The following PRKN variants were observed in gnomAD, a reference collection of about 807,000 sequenced individuals.
PRKN encodes the protein parkin RBR E3 ubiquitin protein ligase, also known as E3 ubiquitin-protein ligase parkin.
A neutral mutation model predicts 59.5 loss-of-function variants in PRKN; 56 were observed. The observed-to-expected ratio is 0.94, with a 90% CI of 0.76 to 1.18. PRKN has a LOEUF of 1.18. PRKN is among the 50% of genes most tolerant of loss of function. The pLI is 0.00. For missense variants in PRKN, 657 were observed against 596.4 expected (o/e 1.10, Z -1.06); for synonymous variants, 250 against 222.1 (o/e 1.13, Z -1.12).
At chr6:162,531,443 G>A (rs1778510842) in intron 1 of PRKN, among the ~76,000 whole-genome samples, 1 of 152,138 alleles carries the variant, frequency 6.6e-6, no homozygotes. Context: ...AGCATTCAGG[G>A]AGCAGAGTGT....
At chr6:162,727,478 T>C (rs1382526669) in intron 1 of PRKN, among the ~76,000 whole-genome samples, 184 bp downstream of exon 1, 2 of 147,916 alleles carry the variant, frequency 1.4e-5, no homozygotes, top group African/African-American at 4.9e-5. Flanking sequence ...ACGCACACAC[T>C]GGGGCCCCGG....
intron 4 of PRKN, among the ~76,000 whole-genome samples, chr6:162,170,953 ACTAT>A (rs1490521962): frequency 2.6e-5 from 4 of 152,212 alleles, no homozygotes; most frequent in Admixed American, 6.5e-5. Context: ...TATGAAAATA[ACTAT>A]CCATTCATTC....
chr6:161,845,954 T>C (rs1793181629), intron 6 of PRKN, among the ~76,000 whole-genome samples: 1 of 152,194 alleles, frequency 6.6e-6, no homozygotes, highest in Admixed American at 6.5e-5. Flanking sequence ...TTTAGGTTAT[T>C]AATATCAATT....
At position 162,506,246 on chromosome 6, in the gene PRKN, G is replaced by A. The variant is rs2155495; in HGVS notation, c.8-62773C>T. Among the ~76,000 whole-genome samples, 712 of 72,708 alleles carry A rather than the reference G, an allele frequency of 9.8e-3. 6 individuals are homozygous for A. The highest frequency in any genetic ancestry group is 0.042 in the African/African-American group (682 of 16,306). 47.7% of individuals were successfully genotyped at this position (72,708 alleles called of 152,430 possible). On this transcript the variant is annotated intron_variant, in intron 1 of 11. Coordinates refer to ENST00000366898, the MANE Select transcript of PRKN (RefSeq NM_004562.3). ...AACAGAACCCTTGGGAAAATAAAGAGGAAGCAAAAAAAAAAAAAAAAAAAA... is the reference window on the plus strand; with the variant it reads ...AACAGAACCCTTGGGAAAATAAAGAAGAAGCAAAAAAAAAAAAAAAAAAAA...
At chr6:162,529,447 A>T (rs2846474) in intron 1 of PRKN, among the ~76,000 whole-genome samples, 53,565 of 152,042 alleles carry the variant, frequency 0.35, 11,220 homozygotes, top group Middle Eastern at 0.51. Context: ...TATACTATGA[A>T]AGTTCTTAAT....
chr6:162,392,330 T>C (rs180845899), intron 2 of PRKN, among the ~76,000 whole-genome samples: 1 of 152,150 alleles, frequency 6.6e-6, no homozygotes, highest in Non-Finnish European at 1.5e-5. Context: ...GGCCAGAAGT[T>C]TTTGGTTCTT....
At chr6:161,370,073 C>G in intron 10 of PRKN, 1 of 378,022 alleles carries the variant, frequency 2.6e-6, no homozygotes, top group Non-Finnish European at 5.8e-6. Context: ...GGGAATATGA[C>G]CCTGTGGGAG....
At chr6:162,279,518 T>G (rs557300360) in intron 2 of PRKN, among the ~76,000 whole-genome samples, 1 of 151,340 alleles carries the variant, frequency 6.6e-6, no homozygotes, top group Non-Finnish European at 1.5e-5. Flanking sequence ...TAATCCTGAG[T>G]TCTAATTTGA....
At chr6:162,296,044 G>GT (rs1221337254) in intron 2 of PRKN, among the ~76,000 whole-genome samples, 1 of 152,062 alleles carries the variant, frequency 6.6e-6, no homozygotes, top group Non-Finnish European at 1.5e-5. Context: ...ATTACAGCAA[G>GT]TTTGTATCTG....
At chr6:162,289,074 A>G (rs900028036) in intron 2 of PRKN, among the ~76,000 whole-genome samples, 41 of 152,276 alleles carry the variant, frequency 2.7e-4, no homozygotes, top group African/African-American at 9.4e-4. Context: ...AAGTACCACA[A>G]ACTAGGGGTT....
Position 161,550,957 on chromosome 6 carries a change from C to T in PRKN, c.934-1954G>A, listed in dbSNP as rs1371350099. ...ATCCATTTTCTCATTCTTCTGTCCCCAGGAAAGAAAGAAAAAGATGACCTG... is the reference window on the plus strand; with the variant it reads ...ATCCATTTTCTCATTCTTCTGTCCCTAGGAAAGAAAGAAAAAGATGACCTG... On this transcript the variant is annotated intron_variant, in intron 8 of 11. Transcript: ENST00000366898. The surrounding 1 kb of genome is among the most constrained non-coding windows in gnomAD (Gnocchi z 4.0). Among the ~76,000 whole-genome samples the T allele has an allele frequency of 6.6e-6, 1 of 152,016 alleles. No individual in the cohort carries two copies. The highest frequency in any genetic ancestry group is 1.5e-5 in the Non-Finnish European group (1 of 68,006).
intron 2 of PRKN, among the ~76,000 whole-genome samples, chr6:162,348,644 T>C (rs1165525385): frequency 2.0e-5 from 3 of 152,172 alleles, no homozygotes; most frequent in Non-Finnish European, 1.5e-5. Context: ...TCTTTGTAAG[T>C]CTCCTATGGT....
intron 6 of PRKN, among the ~76,000 whole-genome samples, chr6:161,851,908 G>A (rs1167987841): frequency 6.7e-6 from 1 of 149,548 alleles, no homozygotes; most frequent in Admixed American, 6.6e-5. Context: ...CCAACATGGC[G>A]AAAACATATC....
At position 162,450,328 on chromosome 6, in the gene PRKN, C is replaced by T. The variant is rs548865995; in HGVS notation, c.8-6855G>A. ...GAATATGAACGCCCGTGAATGTAAA[C>T]GCCCCTGTGATTGTAATCCCCCTGT... On this transcript the variant is annotated intron_variant, in intron 1 of 11. Coordinates refer to ENST00000366898, the MANE Select transcript of PRKN (RefSeq NM_004562.3). 7.4e-3 allele frequency among the ~76,000 whole-genome samples: 711 copies of T among 95,580 alleles called. 2 individuals are homozygous for T. The highest frequency in any genetic ancestry group is 0.021 in the African/African-American group (662 of 31,420). 62.7% of individuals were successfully genotyped at this position (95,580 alleles called of 152,430 possible). A position where few individuals can be genotyped will look rare whatever the true frequency, so the allele number is the denominator to read the frequency against.
At chr6:162,389,032 A>T (rs1787024016) in intron 2 of PRKN, among the ~76,000 whole-genome samples, 1 of 151,614 alleles carries the variant, frequency 6.6e-6, no homozygotes, top group Non-Finnish European at 1.5e-5. Context: ...AAACAAAAAA[A>T]CCTGACCCTC....
At position 162,187,213 on chromosome 6, in the gene PRKN, G is replaced by T. The variant is rs1784068721; in HGVS notation, c.534+13918C>A. 2.6e-5 allele frequency among the ~76,000 whole-genome samples: 4 copies of T among 152,182 alleles called. No individual in the cohort carries two copies. The South Asian group carries it at 8.3e-4, about 31-fold the overall frequency. On this transcript the variant is annotated intron_variant, in intron 4 of 11. Coordinates refer to ENST00000366898, the MANE Select transcript of PRKN (RefSeq NM_004562.3). The stretch of plus-strand genomic sequence containing the variant: ...CGGGGTGGATAACAGTGAAAAACCA[G>T]CAGCTGAGAAAGAAGTGATCACCGG...
chr6:162,074,458 T>C (rs1778727190), intron 4 of PRKN, among the ~76,000 whole-genome samples: 1 of 148,414 alleles, frequency 6.7e-6, no homozygotes, highest in African/African-American at 2.5e-5. Flanking sequence ...GGAAGGGGAA[T>C]ATCACACTCT....
intron 2 of PRKN, among the ~76,000 whole-genome samples, chr6:162,355,725 AC>A (rs1012201926): frequency 1.2e-4 from 18 of 151,746 alleles, no homozygotes; most frequent in Non-Finnish European, 4.4e-5. Flanking sequence ...AAAAAAAAAA[AC>A]ATGGTCAATT....
At chr6:162,340,107 C>T (rs924262912) in intron 2 of PRKN, among the ~76,000 whole-genome samples, 1 of 142,882 alleles carries the variant, frequency 7.0e-6, no homozygotes, top group Non-Finnish European at 1.5e-5. Context: ...AAATCCCCCT[C>T]TGTGAGAAAC....
Sources: gnomAD v4.1 joint callset for allele counts (sites outside exome capture counted in the v4.1 genomes callset) on GRCh38, gnomAD v4.1.1 for gene constraint, Gnocchi (gnomAD v3.1) non-coding constraint, MANE v1.5 for transcripts, NCBI Gene and HGNC (gene_info 2026-07-23, HGNC 2026-07-21) for gene names.